FHIP1A: variants seen among roughly 807,000 people sequenced by gnomAD.
FHIP1A encodes FHF complex subunit HOOK-interacting protein 1A.
FHIP1A carries 61 observed loss-of-function variants against 88.6 expected under a neutral mutation model. The ratio of observed to expected loss-of-function variants is 0.69; its 90% CI spans 0.56 to 0.85. The LOEUF is 0.85. Among genes scored for constraint, FHIP1A ranks in the 40% least tolerant of loss-of-function variants. The pLI is 0.00. For missense variants in FHIP1A, 1,154 were observed against 1,273.5 expected, an observed-to-expected ratio of 0.91 and a Z score of 1.43; for synonymous variants, 478 against 496.0, an observed-to-expected ratio of 0.96 and a Z score of 0.48.
At chr4:151,428,362 A>G (rs571437036) in intron 1 of FHIP1A, among the ~76,000 whole-genome samples, 8 of 152,194 alleles carry the variant, frequency 5.3e-5, no homozygotes, top group Non-Finnish European at 1.2e-4. Flanking sequence ...CTCTTTGGCA[A>G]AACCAAAGCA....
At chr4:151,483,527 A>G (rs1265963639) in intron 3 of FHIP1A, among the ~76,000 whole-genome samples, 3 of 152,146 alleles carry the variant, frequency 2.0e-5, no homozygotes, top group Non-Finnish European at 4.4e-5. Context: ...GGATCTTTGT[A>G]GTTTAAAAAA....
chr4:151,491,579 T>C (rs1399381358), intron 3 of FHIP1A, among the ~76,000 whole-genome samples: 1 of 150,246 alleles, frequency 6.7e-6, no homozygotes, highest in African/African-American at 2.5e-5. Context: ...AATAACACAA[T>C]GAAAAAAAAA....
At chr4:151,432,378 ACTTTTGATGAT>A (rs1733624257) in intron 1 of FHIP1A, among the ~76,000 whole-genome samples, 1 of 152,204 alleles carries the variant, frequency 6.6e-6, no homozygotes, top group African/African-American at 2.4e-5. Flanking sequence ...TTCATCCTGA[ACTTTTGATGAT>A]CTGCTGTGTG....
chr4:151,430,994 C>T (rs763623049), intron 1 of FHIP1A, among the ~76,000 whole-genome samples: 1 of 152,302 alleles, frequency 6.6e-6, no homozygotes, highest in South Asian at 2.1e-4. Flanking sequence ...CATTTTCATA[C>T]TGCTTCAGTG....
At position 151,586,712 on chromosome 4, in the gene FHIP1A, G is replaced by A. The variant is rs1734228255; in HGVS notation, c.804G>A (p.Trp268Ter). 1 of 1,551,268 alleles carries A rather than the reference G, an allele frequency of 6.4e-7. No individual in the cohort carries two copies. The highest frequency in any genetic ancestry group is 8.7e-7 in the Non-Finnish European group (1 of 1,146,688). ...AGCTAGAAGAGAAAGGCGAGGAATGGCACTGCCTTCTGAAAGATGACTGGC... is the reference window on the plus strand; with the variant it reads ...AGCTAGAAGAGAAAGGCGAGGAATGACACTGCCTTCTGAAAGATGACTGGC... ...PTKLEEKGEE[W>*]HCLLKDDWLL... Residue 268 changes from tryptophan (W) to a stop codon, truncating the protein, a stop_gained, in exon 6 of 14, where the codon TGG becomes TGA. Transcript: ENST00000435205. LOFTEE classifies it high-confidence loss of function.
chr4:151,577,533 C>T lies in FHIP1A; in HGVS notation c.189C>T (p.Ala63=), dbSNP rs577898666. The T allele has an allele frequency of 5.0e-5, 78 of 1,551,706 alleles. No individual in the cohort carries two copies. The highest frequency in any genetic ancestry group is 3.3e-4 in the Middle Eastern group (2 of 5,990). ...YGSIPPDEAS[A]VQNYVEHMLF... ...CTATCCCTCCAGATGAGGCCAGTGC[C>T]GTGCAGAATTACGTAGAACACATGC... Residue 63 remains alanine, a synonymous_variant, in exon 5 of 14, where the codon GCC becomes GCT. Coordinates refer to ENST00000435205, the MANE Select transcript of FHIP1A (RefSeq NM_001109977.3).
chr4:151,641,495 A>G (rs974138435), intron 9 of FHIP1A, among the ~76,000 whole-genome samples: 10 of 152,362 alleles, frequency 6.6e-5, no homozygotes, highest in South Asian at 2.1e-4. Context: ...ATGGGGCCCA[A>G]TGCAAATTTG....
rs888518104 is a variant in FHIP1A at position 151,664,516 on chromosome 4, T to C, written c.*1762T>C. Among the ~76,000 whole-genome samples, 35 of 152,212 alleles carry C rather than the reference T, an allele frequency of 2.3e-4. No individual in the cohort carries two copies. The highest frequency in any genetic ancestry group is 8.2e-4 in the African/African-American group (34 of 41,450). On this transcript the variant is annotated 3_prime_UTR_variant, in exon 14 of 14. Coordinates refer to ENST00000435205, the MANE Select transcript of FHIP1A (RefSeq NM_001109977.3). ...ATTCCTACTCACTGTACATTTCTGT[T>C]TGTCTTGACAAATGGTTTGCTCAGC...
rs1372843877 is a variant in FHIP1A at position 151,448,002 on chromosome 4, A to T, written c.-355-6699A>T. Among the ~76,000 whole-genome samples the T allele has an allele frequency of 6.6e-5, 10 of 152,242 alleles. No individual in the cohort carries two copies. In the East Asian group the frequency reaches 1.9e-3, roughly 29 times the overall value. ...CAGCTCACTGCAACCTCCACCTCCC[A>T]GGTTCAAGCAATTCTTATGCCTCAG... On this transcript the variant is annotated intron_variant, in intron 1 of 13. Transcript: ENST00000435205.
At chr4:151,432,633 G>A (rs1378315485) in intron 1 of FHIP1A, among the ~76,000 whole-genome samples, 1 of 152,220 alleles carries the variant, frequency 6.6e-6, no homozygotes, top group East Asian at 1.9e-4. Flanking sequence ...TGTAACTCCA[G>A]TGTGATTCCA....
At chr4:151,501,650 T>C (rs1730652422) in intron 3 of FHIP1A, among the ~76,000 whole-genome samples, 1 of 151,956 alleles carries the variant, frequency 6.6e-6, no homozygotes, top group South Asian at 2.1e-4. Flanking sequence ...ATGGTTTTCA[T>C]TTGTATTTCT....
chr4:151,503,141 TA>T (rs1231837712), intron 3 of FHIP1A, among the ~76,000 whole-genome samples: 1 of 152,178 alleles, frequency 6.6e-6, no homozygotes, highest in Non-Finnish European at 1.5e-5. Flanking sequence ...AGTGACTTTT[TA>T]TTCCAAAGGT....
rs1161771051 is a variant in FHIP1A at position 151,663,515 on chromosome 4, A to G, written c.*761A>G. 1.3e-5 allele frequency: 2 copies of G among 152,342 alleles called. No individual in the cohort carries two copies. The highest frequency in any genetic ancestry group is 2.9e-5 in the Non-Finnish European group (2 of 68,038). 9.4% of individuals were successfully genotyped at this position (152,342 alleles called of 1,614,324 possible). On this transcript the variant is annotated 3_prime_UTR_variant, in exon 14 of 14. Transcript: ENST00000435205. ...AAAATTAAGTATACCTATGCAAACT[A>G]TTACTTTGGTTTTTAGGAGTTTGAT...
chr4:151,518,827 T>C (rs989341555), intron 3 of FHIP1A, among the ~76,000 whole-genome samples: 2 of 151,982 alleles, frequency 1.3e-5, no homozygotes, highest in Non-Finnish European at 2.9e-5. Context: ...GCCCAGCTAA[T>C]TTTTTAAAAC....
chr4:151,567,857 C>T (rs899263457), intron 4 of FHIP1A, among the ~76,000 whole-genome samples: 1 of 152,146 alleles, frequency 6.6e-6, no homozygotes, highest in Non-Finnish European at 1.5e-5. Context: ...ATTTTCAGCT[C>T]CAGTCATTTC....
At chr4:151,537,798 G>A (rs1409221618) in intron 3 of FHIP1A, among the ~76,000 whole-genome samples, 12 of 152,078 alleles carry the variant, frequency 7.9e-5, no homozygotes, top group Admixed American at 7.9e-4. Flanking sequence ...CTAGACTATT[G>A]TTTTTTCCTT....
At chr4:151,550,034 T>A (rs1272330898) in intron 3 of FHIP1A, among the ~76,000 whole-genome samples, 1 of 152,168 alleles carries the variant, frequency 6.6e-6, no homozygotes, top group Non-Finnish European at 1.5e-5. Context: ...ACAGGATGAT[T>A]TTTCTTGTTC....
chr4:151,579,953 T>G (rs1438188611), intron 5 of FHIP1A, among the ~76,000 whole-genome samples: 1 of 152,244 alleles, frequency 6.6e-6, no homozygotes, highest in African/African-American at 2.4e-5. Flanking sequence ...TTAGATACTT[T>G]AGTCTGTGTT....
At chr4:151,504,676 C>T (rs1407687447) in intron 3 of FHIP1A, among the ~76,000 whole-genome samples, 3 of 152,098 alleles carry the variant, frequency 2.0e-5, no homozygotes, top group African/African-American at 7.2e-5. Flanking sequence ...GGCAGAAGTG[C>T]AGTGGTGCGA....
Sources: gnomAD v4.1 joint callset for allele counts (sites outside exome capture counted in the v4.1 genomes callset) on GRCh38, gnomAD v4.1.1 for gene constraint, MANE v1.5 for transcripts, NCBI Gene and HGNC (gene_info 2026-07-23, HGNC 2026-07-21) for gene names.